PLCB1: variants seen among roughly 807,000 people sequenced by gnomAD.
PLCB1 encodes the protein phospholipase C beta 1, also known as 1-phosphatidylinositol 4,5-bisphosphate phosphodiesterase beta-1.
A neutral mutation model predicts 161.8 loss-of-function variants in PLCB1; 46 were observed. That is an observed-to-expected ratio of 0.28 (90% CI 0.22 to 0.36). The LOEUF (loss-of-function observed/expected upper bound fraction) is 0.36. Ranked by LOEUF, PLCB1 falls within the 10% of genes least tolerant of loss-of-function variation. The pLI, the probability that PLCB1 is intolerant of heterozygous loss-of-function variation, is 1.00. For synonymous variants in PLCB1, 517 were observed against 503.7 expected (o/e 1.03, Z -0.35); for missense variants, 1,016 against 1,472.5 (o/e 0.69, Z 5.07).
At chr20:8,657,114 A>T (rs73895069) in intron 7 of PLCB1, 70 bp from the exon 8 acceptor site, 1 of 845,324 alleles carries the variant, frequency 1.2e-6, no homozygotes, top group African/African-American at 1.7e-5. Context: ...GAAGACAGAG[A>T]AAAAACAGGG....
At chr20:8,683,160 T>C (rs1990262208) in intron 9 of PLCB1, among the ~76,000 whole-genome samples, 1 of 151,954 alleles carries the variant, frequency 6.6e-6, no homozygotes, top group Non-Finnish European at 1.5e-5. Flanking sequence ...CTAAATTATA[T>C]ATATAATTAT....
At chr20:8,329,489 T>G (rs1485502792) in intron 2 of PLCB1, among the ~76,000 whole-genome samples, 1 of 152,066 alleles carries the variant, frequency 6.6e-6, no homozygotes, top group Non-Finnish European at 1.5e-5. Flanking sequence ...TACAGCTGTT[T>G]GGTTTTTTCT....
At chr20:8,571,554 C>G (rs1202861748) in intron 3 of PLCB1, among the ~76,000 whole-genome samples, 6 of 152,072 alleles carry the variant, frequency 3.9e-5, no homozygotes. Context: ...GGAGAGACAA[C>G]AGGAAATTCA....
rs1984319881 is a variant in PLCB1, at chr20:8,309,951, T to C, written c.178-61431T>C. On this transcript the variant is annotated intron_variant, in intron 2 of 31. Coordinates refer to ENST00000338037, the MANE Select transcript of PLCB1 (RefSeq NM_015192.4). ...TGCTACTGCTATGCCTAAGTACTGA[T>C]ATGGTTGATTGGTTTTCTTAGGTCA... Among the ~76,000 whole-genome samples the C allele has an allele frequency of 2.6e-5, 4 of 152,346 alleles. No homozygotes were observed. The South Asian group carries it at 6.2e-4, about 24-fold the overall frequency.
intron 3 of PLCB1, among the ~76,000 whole-genome samples, chr20:8,379,454 T>A (rs148414233): frequency 4.6e-5 from 7 of 152,344 alleles, no homozygotes; most frequent in African/African-American, 1.7e-4. Context: ...TATATTCCTC[T>A]GGCTGTATAC....
intron 4 of PLCB1, among the ~76,000 whole-genome samples, chr20:8,637,557 T>TAGA (rs1988801883): frequency 6.6e-6 from 1 of 152,116 alleles, no homozygotes; most frequent in Non-Finnish European, 1.5e-5. Context: ...AAAGTTAAAG[T>TAGA]AGAAGGGTGG....
chr20:8,497,743 T>C (rs1351265747), intron 3 of PLCB1, among the ~76,000 whole-genome samples: 2 of 152,216 alleles, frequency 1.3e-5, no homozygotes, highest in Non-Finnish European at 2.9e-5. Context: ...TTATTTTGGG[T>C]AAAGGTACAG....
At chr20:8,642,674 G>A (rs745452251) in intron 4 of PLCB1, among the ~76,000 whole-genome samples, 9 of 152,120 alleles carry the variant, frequency 5.9e-5, no homozygotes, top group Non-Finnish European at 1.0e-4. Flanking sequence ...ATATGTCCCA[G>A]TAACTTTTAA....
chr20:8,872,514 T>C (rs974367148), intron 31 of PLCB1, among the ~76,000 whole-genome samples: 1 of 152,198 alleles, frequency 6.6e-6, no homozygotes, highest in African/African-American at 2.4e-5. Flanking sequence ...GAGTTGTTTG[T>C]CTATAGGTGT....
chr20:8,444,968 T>C (rs1394894204), intron 3 of PLCB1, among the ~76,000 whole-genome samples: 2 of 152,178 alleles, frequency 1.3e-5, no homozygotes, highest in Non-Finnish European at 2.9e-5. Flanking sequence ...ATAAGTAGAT[T>C]GCAAAAATTT....
chr20:8,826,561 A>G (rs559080849), intron 31 of PLCB1, among the ~76,000 whole-genome samples: 2 of 152,186 alleles, frequency 1.3e-5, no homozygotes, highest in African/African-American at 2.4e-5. Flanking sequence ...TCAAGGAGCA[A>G]CTAGGCCTAG....
intron 4 of PLCB1, among the ~76,000 whole-genome samples, chr20:8,638,737 T>A (rs946668846): frequency 6.6e-6 from 1 of 152,194 alleles, no homozygotes; most frequent in African/African-American, 2.4e-5. Flanking sequence ...AACAAGCATA[T>A]ATTACACCTG....
chr20:8,140,247 C>T (rs2051389037), intron 1 of PLCB1, among the ~76,000 whole-genome samples: 1 of 152,222 alleles, frequency 6.6e-6, no homozygotes, highest in African/African-American at 2.4e-5. Flanking sequence ...AACCTAAAGC[C>T]TGCTCCTCCA....
chr20:8,859,075 G>A (rs569512869), intron 31 of PLCB1, among the ~76,000 whole-genome samples: 2 of 152,274 alleles, frequency 1.3e-5, no homozygotes, highest in African/African-American at 2.4e-5. Context: ...CCTGAGGTTG[G>A]TGGCCTGCTA....
At chr20:8,657,112 A>G in intron 7 of PLCB1, 72 bp from the exon 8 acceptor site, 1 of 826,472 alleles carries the variant, frequency 1.2e-6, no homozygotes, top group African/African-American at 1.7e-5. Context: ...AAGAAGACAG[A>G]GAAAAAACAG....
At chr20:8,616,141 C>T (rs1213347029) in intron 3 of PLCB1, among the ~76,000 whole-genome samples, 2 of 152,194 alleles carry the variant, frequency 1.3e-5, no homozygotes, top group Non-Finnish European at 2.9e-5. Flanking sequence ...TAGCAAGTCA[C>T]ATTCCATCCT....
intron 1 of PLCB1, 74 bp from the exon 2 acceptor site, chr20:8,150,220 T>C: frequency 1.5e-6 from 1 of 648,578 alleles, no homozygotes; most frequent in Non-Finnish European, 2.7e-6. Context: ...CAATTATTAC[T>C]TCTTAAATAA....
chr20:8,581,476 T>G (rs1373405463), intron 3 of PLCB1, among the ~76,000 whole-genome samples: 1 of 152,118 alleles, frequency 6.6e-6, no homozygotes, highest in Non-Finnish European at 1.5e-5. Context: ...ATGGGACAAT[T>G]TTGGATGTCC....
Position 8,726,675 on chromosome 20 carries a change from A to AC in PLCB1, c.1679-627dup, listed in dbSNP as rs201615448. 7.9e-5 allele frequency among the ~76,000 whole-genome samples: 12 copies of AC among 151,188 alleles called. No homozygotes were observed. The South Asian group carries it at 1.3e-3, about 16-fold the overall frequency. ...ATAATTCAATTACCCCCACTTGGTA[A>AC]CCCCCCCTTGACACTGTGGGTATTA... is the stretch of plus-strand genomic sequence containing the variant. On this transcript the variant is annotated intron_variant, in intron 16 of 31. Coordinates refer to ENST00000338037, the MANE Select transcript of PLCB1 (RefSeq NM_015192.4).
Sources: allele counts gnomAD v4.1 joint callset (sites outside exome capture counted in the v4.1 genomes callset), GRCh38; gene constraint gnomAD v4.1.1; transcripts MANE v1.5; gene names NCBI Gene and HGNC (gene_info 2026-07-23, HGNC 2026-07-21).